Variants in NAPG observed in about 807,000 individuals in gnomAD.
NAPG encodes NSF attachment protein gamma, also known as gamma-soluble NSF attachment protein.
In NAPG, 25 loss-of-function variants were observed where a neutral mutation model predicts 48.4. That is an observed-to-expected ratio of 0.52 (90% CI 0.38 to 0.72). The LOEUF is 0.72. Among genes scored for constraint, NAPG ranks in the 30% least tolerant of loss-of-function variants. NAPG has a pLI of 0.00. For missense variants in NAPG, 359 were observed against 372.5 expected (o/e 0.96, Z 0.30); for synonymous variants, 139 against 127.2 (o/e 1.09, Z -0.62).
intron 3 of NAPG, chr18:10,533,217 G>A (rs1159348463): frequency 3.5e-6 from 1 of 286,500 alleles, no homozygotes; most frequent in Non-Finnish European, 6.4e-6. Flanking sequence ...TGAGGTGTTT[G>A]CAAACTTATC....
chr18:10,542,704 T>C lies in NAPG; in HGVS notation c.506+2305T>C, dbSNP rs2032180907. Among the ~76,000 whole-genome samples the C allele has an allele frequency of 6.6e-6, 1 of 152,226 alleles. No individual in the cohort carries two copies. The highest frequency in any genetic ancestry group is 1.5e-5 in the Non-Finnish European group (1 of 68,038). On this transcript the variant is annotated intron_variant, in intron 8 of 11. Transcript: ENST00000322897. The surrounding 1 kb of genome is among the most constrained non-coding windows in gnomAD (Gnocchi z 4.5). ...GTGCACTTATGTTTTTACATTAACATGAGTCCATAAGATGTCCTAATTTAA... is the reference window on the plus strand; with the variant it reads ...GTGCACTTATGTTTTTACATTAACACGAGTCCATAAGATGTCCTAATTTAA...
In NAPG at chr18:10,539,084, C is replaced by CA. The variant is rs2032093001; in HGVS notation, c.259-677dup. 6.6e-6 allele frequency: 1 copy of CA among 152,188 alleles called. No homozygotes were observed. The highest frequency in any genetic ancestry group is 1.5e-5 in the Non-Finnish European group (1 of 68,052). 9.4% of individuals were successfully genotyped at this position (152,188 alleles called of 1,614,324 possible). On this transcript the variant is annotated intron_variant, in intron 5 of 11. Coordinates refer to ENST00000322897, the MANE Select transcript of NAPG (RefSeq NM_003826.3). This position sits in a 1 kb window ranked among gnomAD's most constrained non-coding sequence, Gnocchi z 4.7. ...AAATTAGTTCAACCGTTGTGGAAGACAGTGTGGGGATTCCTCAAGGATCTA... is the reference window on the plus strand; with the variant it reads ...AAATTAGTTCAACCGTTGTGGAAGACAAGTGTGGGGATTCCTCAAGGATCTA...
In NAPG at chr18:10,534,712, G is replaced by A. The variant is rs1208784123; in HGVS notation, c.258+216G>A. 2.6e-5 allele frequency among the ~76,000 whole-genome samples: 4 copies of A among 152,286 alleles called. No homozygotes were observed. In the East Asian group the frequency reaches 7.7e-4, roughly 29 times the overall value. Reference sequence around the variant, plus strand: ...AGTGAAATTTAAGAGAAAATGTATTGGAGTGAACTGGGAACACTAATGTTC... The same window carrying A: ...AGTGAAATTTAAGAGAAAATGTATTAGAGTGAACTGGGAACACTAATGTTC... On this transcript the variant is annotated intron_variant, in intron 5 of 11. Transcript: ENST00000322897. This position sits in a 1 kb window ranked among gnomAD's most constrained non-coding sequence, Gnocchi z 5.0.
chr18:10,536,349 C>T (rs2032032279), intron 5 of NAPG, among the ~76,000 whole-genome samples: 1 of 152,208 alleles, frequency 6.6e-6, no homozygotes. Flanking sequence ...GCTAAAATTT[C>T]TACCAATTTG....
chr18:10,526,217 C>A, intron 1 of NAPG, 59 bp downstream of exon 1: 1 of 794,892 alleles, frequency 1.3e-6, no homozygotes, highest in Non-Finnish European at 2.1e-6. Flanking sequence ...CTCACTGGCG[C>A]GGCCTTAGCA....
At chr18:10,528,227 G>T (rs1317228276) in intron 1 of NAPG, among the ~76,000 whole-genome samples, 1 of 152,090 alleles carries the variant, frequency 6.6e-6, no homozygotes, top group Non-Finnish European at 1.5e-5. Context: ...AAGAAATGTG[G>T]CAGCAGTGTG....
chr18:10,528,156 A>T (rs1326592181), intron 1 of NAPG, among the ~76,000 whole-genome samples: 2 of 152,184 alleles, frequency 1.3e-5, no homozygotes, highest in Admixed American at 6.5e-5. Context: ...ACTGCATTCC[A>T]GCCTGGGAGA....
At chr18:10,540,197 G>C (rs984808169) in intron 7 of NAPG, 132 bp from the exon 8 acceptor site, 6 of 1,060,204 alleles carry the variant, frequency 5.7e-6, no homozygotes, top group Non-Finnish European at 6.9e-6. Context: ...TTAGAGAGTA[G>C]TGAAATGAAC....
At position 10,530,856 on chromosome 18, in the gene NAPG, C is replaced by T; in HGVS notation, c.124+19C>T. On this transcript the variant is annotated intron_variant, in intron 2 of 11. Transcript: ENST00000322897. ...AAAGCAGGTATTTTTGACTATAGTC[C>T]AGTTGCTCCAGTATGTAATCTTAAA... 1 of 1,525,964 alleles carries T rather than the reference C, an allele frequency of 6.6e-7. No homozygotes were observed. Among genetic ancestry groups the T allele is most frequent in the South Asian group, 1.3e-5 (1 of 79,038 alleles). 94.5% of individuals were successfully genotyped at this position (1,525,964 alleles called of 1,614,324 possible). A position where few individuals can be genotyped will look rare whatever the true frequency, so the allele number is the denominator to read the frequency against.
intron 8 of NAPG, among the ~76,000 whole-genome samples, chr18:10,541,450 A>T (rs1226600775): frequency 6.6e-6 from 1 of 152,276 alleles, no homozygotes; most frequent in East Asian, 1.9e-4. Context: ...CCAACTTAAA[A>T]ATGGTTCACT....
chr18:10,526,255 G>T, intron 1 of NAPG, 97 bp downstream of exon 1: 1 of 787,696 alleles, frequency 1.3e-6, no homozygotes, highest in Non-Finnish European at 2.1e-6. Flanking sequence ...GGAGGGCTCA[G>T]GGCTGAGGGG....
In NAPG at chr18:10,539,765, A is replaced by T; in HGVS notation, c.262A>T (p.Met88Leu). 2 of 1,613,848 alleles carry T rather than the reference A, an allele frequency of 1.2e-6. No homozygotes were observed. The highest frequency in any genetic ancestry group is 1.3e-5 in the African/African-American group (1 of 75,034). ...CTACTGTATCCTTTGCCCAAAGGAG[A>T]TGCAGAAACTACCAGAGGCCGTTCA... ...YEQAGMMLKEMQKLPEAVQLI... is the reference protein window; with the variant it reads ...YEQAGMMLKELQKLPEAVQLI... The change falls in exon 6 of 12, where the codon ATG becomes TTG. Residue 88 changes from methionine to leucine, a missense_variant. By Grantham distance (15) the Met-to-Leu change is conservative. Coordinates refer to ENST00000322897, the MANE Select transcript of NAPG (RefSeq NM_003826.3). This position sits in a 1 kb window ranked among gnomAD's most constrained non-coding sequence, Gnocchi z 4.7.
chr18:10,533,024 G>C (rs973378269), intron 3 of NAPG: 1 of 410,340 alleles, frequency 2.4e-6, no homozygotes, highest in African/African-American at 2.0e-5. Context: ...TATTGTTTGT[G>C]ATTTTACTTG....
intron 1 of NAPG, among the ~76,000 whole-genome samples, chr18:10,527,453 G>C (rs973019500): frequency 2.0e-5 from 3 of 152,116 alleles, no homozygotes; most frequent in Non-Finnish European, 4.4e-5. Flanking sequence ...TAAGGTGCTG[G>C]GGCTCTCCTG....
chr18:10,542,222 T>A lies in NAPG; in HGVS notation c.506+1823T>A, dbSNP rs1376077344. On this transcript the variant is annotated intron_variant, in intron 8 of 11. Coordinates refer to ENST00000322897, the MANE Select transcript of NAPG (RefSeq NM_003826.3). The surrounding 1 kb of genome is among the most constrained non-coding windows in gnomAD (Gnocchi z 4.5). ...AGGGCTTTTATTCGTGACTTTGTTT[T>A]ATTGGTTTTTTTTTTTTCTTTTTAG... 6.6e-6 allele frequency among the ~76,000 whole-genome samples: 1 copy of A among 151,920 alleles called. No individual in the cohort carries two copies. The highest frequency in any genetic ancestry group is 1.5e-5 in the Non-Finnish European group (1 of 67,972).
rs978207432 is a variant in NAPG, at chr18:10,544,283, A to G, written c.507-2043A>G. Among the ~76,000 whole-genome samples the G allele has an allele frequency of 6.6e-6, 1 of 152,234 alleles. No individual in the cohort carries two copies. Among genetic ancestry groups the G allele is most frequent in the Non-Finnish European group, 1.5e-5 (1 of 68,040 alleles). On this transcript the variant is annotated intron_variant, in intron 8 of 11. Coordinates refer to ENST00000322897, the MANE Select transcript of NAPG (RefSeq NM_003826.3). The surrounding 1 kb of genome is among the most constrained non-coding windows in gnomAD (Gnocchi z 5.1). ...GATTAGCTCACAGTTTCATGAGGCC[A>G]GAAGTCTGGATACAGTGTAGCTAGG...
chr18:10,538,338 C>T lies in NAPG; in HGVS notation c.259-1424C>T, dbSNP rs546249231. Among the ~76,000 whole-genome samples, 5 of 152,286 alleles carry T rather than the reference C, an allele frequency of 3.3e-5. No individual in the cohort carries two copies. The East Asian group carries it at 7.7e-4, about 24-fold the overall frequency. ...CATGTGGCGGGACAGTGCTGCCCAG[C>T]CCCAGCCTGTTGCCATACAGGGATG... On this transcript the variant is annotated intron_variant, in intron 5 of 11. Transcript: ENST00000322897.
Position 10,534,940 on chromosome 18 carries a change from T to C in NAPG, c.258+444T>C, listed in dbSNP as rs942812678. Reference sequence around the variant, plus strand: ...CCACAGATTTAAGCTTTTGCTACTTTAATTCATTCTGCATGGAATATTCCA... The same window carrying C: ...CCACAGATTTAAGCTTTTGCTACTTCAATTCATTCTGCATGGAATATTCCA... On this transcript the variant is annotated intron_variant, in intron 5 of 11. Coordinates refer to ENST00000322897, the MANE Select transcript of NAPG (RefSeq NM_003826.3). The surrounding 1 kb of genome is among the most constrained non-coding windows in gnomAD (Gnocchi z 5.0). Among the ~76,000 whole-genome samples, 1 of 152,238 alleles carries C rather than the reference T, an allele frequency of 6.6e-6. No individual in the cohort carries two copies. Among genetic ancestry groups the C allele is most frequent in the Non-Finnish European group, 1.5e-5 (1 of 68,040 alleles).
intron 1 of NAPG, among the ~76,000 whole-genome samples, chr18:10,529,324 G>A (rs1445111397): frequency 6.6e-6 from 1 of 152,154 alleles, no homozygotes; most frequent in Non-Finnish European, 1.5e-5. Context: ...CACAATTTAA[G>A]GATATTATTT....
Sources: allele counts gnomAD v4.1 joint callset (sites outside exome capture counted in the v4.1 genomes callset), GRCh38; gene constraint gnomAD v4.1.1; non-coding constraint Gnocchi (gnomAD v3.1); transcripts MANE v1.5; gene names NCBI Gene and HGNC (gene_info 2026-07-23, HGNC 2026-07-21).